NCKAP5: variants seen among roughly 807,000 people sequenced by gnomAD.
NCKAP5 encodes the protein NCK associated protein 5, also known as nck-associated protein 5.
In NCKAP5, 92 loss-of-function variants were observed where a neutral mutation model predicts 167.0. That is an observed-to-expected ratio of 0.55 (90% CI 0.47 to 0.66). The LOEUF (loss-of-function observed/expected upper bound fraction) is 0.66, where lower values mean the gene tolerates loss of function less well. Ranked by LOEUF, NCKAP5 falls within the 30% of genes least tolerant of loss-of-function variation. The pLI is 0.00. For missense variants in NCKAP5, 2,378 were observed against 2,315.0 expected, an observed-to-expected ratio of 1.03 and a Z score of -0.56; for synonymous variants, 891 against 877.4, an observed-to-expected ratio of 1.02 and a Z score of -0.27.
At chr2:132,947,042 T>C (rs1697802818) in intron 8 of NCKAP5, among the ~76,000 whole-genome samples, 2 of 152,250 alleles carry the variant, frequency 1.3e-5, no homozygotes, top group Non-Finnish European at 2.9e-5. Context: ...CTCACAGGGA[T>C]ATGTCATTTC....
chr2:132,793,763 G>A (rs539620243), intron 12 of NCKAP5, among the ~76,000 whole-genome samples: 2 of 152,282 alleles, frequency 1.3e-5, no homozygotes, highest in East Asian at 3.9e-4. Context: ...TGTAGCGGTA[G>A]TTACAGAGTA....
chr2:133,568,542 C>A (rs1241326202), upstream of NCKAP5: 1 of 151,896 alleles, frequency 6.6e-6, no homozygotes. Flanking sequence ...TCTTTATTAA[C>A]TGACTGTCAA....
Position 132,979,789 on chromosome 2 carries a change from C to T in NCKAP5, c.429+14363G>A, listed in dbSNP as rs1282732519. On this transcript the variant is annotated intron_variant, in intron 7 of 19. Coordinates refer to ENST00000409261, the MANE Select transcript of NCKAP5 (RefSeq NM_207363.3). ...AATTTTACTCCTTCAAAGACCAACTCGACTCCCATCTTCTCCAGAAGCTTT... is the reference window on the plus strand; with the variant it reads ...AATTTTACTCCTTCAAAGACCAACTTGACTCCCATCTTCTCCAGAAGCTTT... Among the ~76,000 whole-genome samples, 3 of 152,226 alleles carry T rather than the reference C, an allele frequency of 2.0e-5. No homozygotes were observed. In the East Asian group the frequency reaches 5.8e-4, roughly 29 times the overall value.
intron 6 of NCKAP5, among the ~76,000 whole-genome samples, chr2:133,064,469 C>T (rs2080120522): frequency 1.3e-5 from 2 of 151,678 alleles, no homozygotes; most frequent in South Asian, 4.2e-4. Flanking sequence ...GCAGATAATG[C>T]CATGTTCACA....
At chr2:133,612,864 G>T in the NCKAP5 span, among the ~76,000 whole-genome samples, 1 of 152,160 alleles carries the variant, frequency 6.6e-6, no homozygotes, top group African/African-American at 2.4e-5. Context: ...CTTAAGCGCG[G>T]TTTGCTGAAT....
chr2:133,184,176 C>T (rs1469912796), intron 5 of NCKAP5, among the ~76,000 whole-genome samples: 1 of 152,048 alleles, frequency 6.6e-6, no homozygotes, highest in Non-Finnish European at 1.5e-5. Context: ...TCCATCTGTA[C>T]TCAAATTTTA....
At chr2:133,613,932 G>A in the NCKAP5 span, among the ~76,000 whole-genome samples, 95,647 of 152,072 alleles carry the variant, frequency 0.63, 31,193 homozygotes, top group Middle Eastern at 0.78. Context: ...TATATGAGTC[G>A]TTGGAGAGAG....
chr2:133,438,332 G>A (rs998167407), intron 3 of NCKAP5, among the ~76,000 whole-genome samples: 2 of 152,188 alleles, frequency 1.3e-5, no homozygotes, highest in African/African-American at 4.8e-5. Flanking sequence ...GGACACTAGG[G>A]TTTCTGTTTG....
chr2:133,571,158 G>A (rs775444010), upstream of NCKAP5, among the ~76,000 whole-genome samples: 27 of 152,002 alleles, frequency 1.8e-4, no homozygotes, highest in South Asian at 4.2e-4. Flanking sequence ...GTCTATAATC[G>A]TTTCAAGAAA....
chr2:133,399,909 A>T (rs1035690859), intron 3 of NCKAP5, among the ~76,000 whole-genome samples: 2 of 152,184 alleles, frequency 1.3e-5, no homozygotes, highest in African/African-American at 4.8e-5. Flanking sequence ...AGTTCCATTG[A>T]TATTGACCAC....
intron 19 of NCKAP5, among the ~76,000 whole-genome samples, chr2:132,709,119 T>C (rs1259938201): frequency 6.6e-6 from 1 of 152,032 alleles, no homozygotes; most frequent in Non-Finnish European, 1.5e-5. Flanking sequence ...TTCTTTTGGG[T>C]TTTCTATGAA....
At chr2:133,253,399 T>C (rs903952320) in intron 4 of NCKAP5, among the ~76,000 whole-genome samples, 1 of 152,230 alleles carries the variant, frequency 6.6e-6, no homozygotes, top group African/African-American at 2.4e-5. Flanking sequence ...GAAGAGGCAG[T>C]ATATCCCACA....
Position 133,470,654 on chromosome 2 carries a change from A to G in NCKAP5, c.69+46804T>C, listed in dbSNP as rs536085082. Among the ~76,000 whole-genome samples, 8 of 152,200 alleles carry G rather than the reference A, an allele frequency of 5.3e-5. No homozygotes were observed. In the South Asian group the frequency reaches 1.7e-3, roughly 32 times the overall value. ...TTGATCTCAGACTGCTGTGCTAGTA[A>G]TCAGCGAGACTCCATGGGCGTAGGA... On this transcript the variant is annotated intron_variant, in intron 3 of 19. Transcript: ENST00000409261.
the NCKAP5 span, among the ~76,000 whole-genome samples, chr2:133,578,544 G>T: frequency 6.6e-6 from 1 of 152,168 alleles, no homozygotes; most frequent in Non-Finnish European, 1.5e-5. Flanking sequence ...ATCCATGTAG[G>T]AGCATAAACG....
At chr2:133,169,706 A>C (rs989638727) in intron 5 of NCKAP5, among the ~76,000 whole-genome samples, 3 of 152,198 alleles carry the variant, frequency 2.0e-5, no homozygotes, top group African/African-American at 7.2e-5. Flanking sequence ...ACATGAGGCC[A>C]ACTCCCCACA....
intron 6 of NCKAP5, among the ~76,000 whole-genome samples, chr2:133,088,720 T>C (rs1428540061): frequency 6.6e-6 from 1 of 152,126 alleles, no homozygotes; most frequent in Non-Finnish European, 1.5e-5. Flanking sequence ...AAAATCAATA[T>C]GCTGCCCTAA....
At position 133,405,885 on chromosome 2, in the gene NCKAP5, A is replaced by C. The variant is rs1688395412; in HGVS notation, c.70-102775T>G. On this transcript the variant is annotated intron_variant, in intron 3 of 19. Coordinates refer to ENST00000409261, the MANE Select transcript of NCKAP5 (RefSeq NM_207363.3). The stretch of plus-strand genomic sequence containing the variant: ...GCCAGATGCCGTAGGCACTCAATAC[A>C]TAGTTGGTGAATGAATGGCAATTGT... 2.6e-5 allele frequency among the ~76,000 whole-genome samples: 4 copies of C among 152,328 alleles called. No individual in the cohort carries two copies. The South Asian group carries it at 8.3e-4, about 32-fold the overall frequency.
chr2:133,027,876 T>C (rs890690019), intron 6 of NCKAP5, among the ~76,000 whole-genome samples: 1 of 152,230 alleles, frequency 6.6e-6, no homozygotes, highest in Non-Finnish European at 1.5e-5. Flanking sequence ...GAGTTTCTAC[T>C]TGCATGTTAA....
chr2:133,458,881 G>A (rs1401353546), intron 3 of NCKAP5, among the ~76,000 whole-genome samples: 2 of 152,140 alleles, frequency 1.3e-5, no homozygotes, highest in African/African-American at 2.4e-5. Flanking sequence ...GGTCTAGGGG[G>A]AATTTCATCT....
Sources: allele counts gnomAD v4.1 joint callset (sites outside exome capture counted in the v4.1 genomes callset), GRCh38; gene constraint gnomAD v4.1.1; transcripts MANE v1.5; gene names NCBI Gene and HGNC (gene_info 2026-07-23, HGNC 2026-07-21).